Variants in SYNE2 observed in about 807,000 individuals in gnomAD.
SYNE2 encodes spectrin repeat containing nuclear envelope protein 2.
A neutral mutation model predicts 856.3 loss-of-function variants in SYNE2; 431 were observed. The ratio of observed to expected loss-of-function variants is 0.50; its 90% CI spans 0.47 to 0.55. The LOEUF (loss-of-function observed/expected upper bound fraction) is 0.55, where lower values mean the gene tolerates loss of function less well. Among genes scored for constraint, SYNE2 ranks in the 20% least tolerant of loss-of-function variants. The pLI is 0.00. For synonymous variants in SYNE2, 2,923 were observed against 2,872.3 expected, an observed-to-expected ratio of 1.02 and a Z score of -0.56; for missense variants, 8,129 against 8,023.2, an observed-to-expected ratio of 1.01 and a Z score of -0.50.
At chr14:63,863,753 A>G (rs768203156) in intron 1 of SYNE2, among the ~76,000 whole-genome samples, 3 of 152,176 alleles carry the variant, frequency 2.0e-5, no homozygotes, top group Non-Finnish European at 4.4e-5. Context: ...AAAAGGAATG[A>G]TTATCATGAA....
chr14:64,202,398 G>T, intron 99 of SYNE2: 1 of 660,428 alleles, frequency 1.5e-6, no homozygotes, highest in Admixed American at 2.2e-5. Context: ...GGCTGCTGCA[G>T]TCTCAGGCAT....
At chr14:63,804,292 A>ATT (rs202183818) in intron 1 of SYNE2, among the ~76,000 whole-genome samples, 1 of 150,310 alleles carries the variant, frequency 6.7e-6, no homozygotes, top group Non-Finnish European at 1.5e-5. Flanking sequence ...CATGGTTTGC[A>ATT]TTTTTTTTTC....
intron 10 of SYNE2, among the ~76,000 whole-genome samples, chr14:63,967,260 A>G (rs1442325520): frequency 5.9e-5 from 9 of 152,260 alleles, no homozygotes; most frequent in Non-Finnish European, 7.3e-5. Flanking sequence ...CAAAGTTTAT[A>G]TAAAATGAAT....
At position 64,212,952 on chromosome 14, in the gene SYNE2, G is replaced by A; in HGVS notation, c.19003G>A (p.Glu6335Lys). ...ELEELHRYCQ[E>K]VFGRVSRFHR... The stretch of plus-strand genomic sequence containing the variant: ...GGAGGAACTCCACCGCTACTGCCAG[G>A]AGGTGTTTGGAAGGGTCTCCCGGTT... The change falls in exon 105 of 116, where the codon GAG becomes AAG. Residue 6335 changes from glutamate (E) to lysine (K), a missense_variant. Glu to Lys is a moderately conservative substitution (Grantham distance 56, BLOSUM62 1). Transcript: ENST00000555002. 1 of 1,614,198 alleles carries A rather than the reference G, an allele frequency of 6.2e-7. No individual in the cohort carries two copies. Among genetic ancestry groups the A allele is most frequent in the East Asian group, 2.2e-5 (1 of 44,884 alleles).
At chr14:64,164,897 TGAGACAGG>T (rs1194785350) in intron 89 of SYNE2, among the ~76,000 whole-genome samples, 4 of 151,798 alleles carry the variant, frequency 2.6e-5, no homozygotes, top group African/African-American at 9.7e-5. Flanking sequence ...TTTGTTTGTT[TGAGACAGG>T]GAGACAGGGT....
At chr14:63,968,564 G>A (rs1385833396) in intron 11 of SYNE2, among the ~76,000 whole-genome samples, 1 of 152,104 alleles carries the variant, frequency 6.6e-6, no homozygotes, top group Non-Finnish European at 1.5e-5. Flanking sequence ...TATAATTTCA[G>A]TCCTTTTCAA....
chr14:64,153,768 A>G (rs1187191179), intron 85 of SYNE2, among the ~76,000 whole-genome samples: 1 of 151,590 alleles, frequency 6.6e-6, no homozygotes, highest in Non-Finnish European at 1.5e-5. Flanking sequence ...AAAAATATAA[A>G]GAGAAAATTA....
At position 64,003,245 on chromosome 14, in the gene SYNE2, G is replaced by C. The variant is rs2096768921; in HGVS notation, c.4312G>C (p.Glu1438Gln). 1 of 1,613,752 alleles carries C rather than the reference G, an allele frequency of 6.2e-7. No homozygotes were observed. The highest frequency in any genetic ancestry group is 1.3e-5 in the African/African-American group (1 of 75,004). ...AGAGGCTTGTATTTTCAAAAATAATGAACTCCTTAAAAATATTCAAGATGT... is the reference window on the plus strand; with the variant it reads ...AGAGGCTTGTATTTTCAAAAATAATCAACTCCTTAAAAATATTCAAGATGT... ...LLEACIFKNN[E>Q]LLKNIQDVQS... Residue 1438 changes from glutamate (E) to glutamine (Q), a missense_variant, in exon 30 of 116, where the codon GAA becomes CAA. Physicochemically the swap from Glu to Gln is conservative, Grantham distance 29. Transcript: ENST00000555002.
At chr14:63,796,398 A>G (rs1268130406) in intron 1 of SYNE2, among the ~76,000 whole-genome samples, 1 of 152,166 alleles carries the variant, frequency 6.6e-6, no homozygotes, top group Non-Finnish European at 1.5e-5. Flanking sequence ...CAGAGGTTAC[A>G]GTAAGACGAG....
At chr14:64,175,231 C>T in intron 95 of SYNE2, 93 bp downstream of exon 95, 1 of 1,440,282 alleles carries the variant, frequency 6.9e-7, no homozygotes, top group African/African-American at 1.4e-5. Context: ...TTTTAGGAAA[C>T]TATAGTATCA....
Position 64,078,390 on chromosome 14 carries a change from C to T in SYNE2, c.11023-76C>T, listed in dbSNP as rs199858319. 94 of 1,594,288 alleles carry T rather than the reference C, an allele frequency of 5.9e-5. 1 individual carries two copies. Among genetic ancestry groups the T allele is most frequent in the Non-Finnish European group, 7.8e-5 (91 of 1,167,608 alleles). ...TTACAAGTTAAAACAGAGTGACTAC[C>T]ACTTTTGTTGTTCGAACCTATGAAT... On this transcript the variant is annotated intron_variant, in intron 54 of 115. Coordinates refer to ENST00000555002, the MANE Select transcript of SYNE2 (RefSeq NM_182914.3).
rs1566949599 is a variant in SYNE2 at position 63,974,880 on chromosome 14, GTGTGTGTGTGTGTATATATATA to G, written c.1129-1681_1129-1660del. Reference sequence around the variant, plus strand: ...TGTGTGTGTGTGTGTGTGTGTGTGTGTGTGTGTGTGTGTATATATATATATATATATATATATGTATCTTGAG... The same window carrying G: ...TGTGTGTGTGTGTGTGTGTGTGTGTGTATATATATATATATGTATCTTGAG... On this transcript the variant is annotated intron_variant, in intron 11 of 115. Transcript: ENST00000555002. 6.9e-3 allele frequency among the ~76,000 whole-genome samples: 196 copies of G among 28,560 alleles called. 7 individuals are homozygous for G. Among genetic ancestry groups the G allele is most frequent in the African/African-American group, 0.019 (154 of 8,000 alleles). 18.7% of individuals were successfully genotyped at this position (28,560 alleles called of 152,430 possible).
At chr14:63,827,895 G>T (rs1371813625) in intron 1 of SYNE2, among the ~76,000 whole-genome samples, 1 of 151,726 alleles carries the variant, frequency 6.6e-6, no homozygotes, top group South Asian at 2.1e-4. Flanking sequence ...ATTAACAGCA[G>T]ATTGAAAATA....
chr14:63,921,515 C>T (rs1208037362), intron 2 of SYNE2, among the ~76,000 whole-genome samples: 1 of 151,990 alleles, frequency 6.6e-6, no homozygotes, highest in Non-Finnish European at 1.5e-5. Context: ...TAGGAAGAGA[C>T]CCAACTGAGT....
rs770879033 is a variant in SYNE2, at chr14:64,053,592, G to A, written c.9679G>A (p.Glu3227Lys). 6.2e-7 allele frequency: 1 copy of A among 1,613,990 alleles called. No homozygotes were observed. The highest frequency in any genetic ancestry group is 8.5e-7 in the Non-Finnish European group (1 of 1,179,988). ...EENSSEASDVETKLREFEDLQ... is the reference protein window; with the variant it reads ...EENSSEASDVKTKLREFEDLQ... ...AAACTCTTCTGAAGCGAGTGATGTG[G>A]AGACAAAACTACGTGAGTTTGAAGA... The change falls in exon 48 of 116, where the codon GAG (glutamate) becomes AAG (lysine). Residue 3227 changes from glutamate (E) to lysine (K), a missense_variant. By Grantham distance (56) the Glu-to-Lys change is moderately conservative. Coordinates refer to ENST00000555002, the MANE Select transcript of SYNE2 (RefSeq NM_182914.3).
chr14:63,947,642 C>T (rs1007613141), intron 6 of SYNE2, among the ~76,000 whole-genome samples: 1 of 152,048 alleles, frequency 6.6e-6, no homozygotes, highest in Non-Finnish European at 1.5e-5. Context: ...TCGAGACCAA[C>T]CTGACCAACA....
chr14:63,951,502 A>G (rs2096158378), intron 7 of SYNE2, among the ~76,000 whole-genome samples: 2 of 152,134 alleles, frequency 1.3e-5, no homozygotes, highest in Admixed American at 6.5e-5. Flanking sequence ...AGGTTTCATC[A>G]GGTTGGCCCA....
intron 86 of SYNE2, 94 bp from the exon 87 acceptor site, chr14:64,159,218 A>G (rs996467127): frequency 1.5e-5 from 22 of 1,455,522 alleles, no homozygotes; most frequent in Non-Finnish European, 1.9e-5. Flanking sequence ...TTTGAGTGTT[A>G]TTGCTACATA....
In SYNE2 at chr14:64,097,362, T is replaced by C. The variant is rs570571492; in HGVS notation, c.12109-587T>C. Among the ~76,000 whole-genome samples the C allele has an allele frequency of 5.9e-5, 9 of 152,224 alleles. No homozygotes were observed. The East Asian group carries it at 1.7e-3, about 29-fold the overall frequency. On this transcript the variant is annotated intron_variant, in intron 61 of 115. Transcript: ENST00000555002. ...AAAAAAAAGTAAATGAATTTAGTAA[T>C]ACCAAAGAAGCCTTCAAAGATGATA...
Sources: allele counts gnomAD v4.1 joint callset (sites outside exome capture counted in the v4.1 genomes callset), GRCh38; gene constraint gnomAD v4.1.1; transcripts MANE v1.5; gene names NCBI Gene and HGNC (gene_info 2026-07-23, HGNC 2026-07-21).